Variants in ATF2 observed in about 807,000 individuals in gnomAD.
ATF2 encodes the protein cyclic AMP-dependent transcription factor ATF-2.
A neutral mutation model predicts 60.6 loss-of-function variants in ATF2; 24 were observed. The ratio of observed to expected loss-of-function variants is 0.40; its 90% confidence interval spans 0.29 to 0.56. ATF2 has a LOEUF of 0.56. ATF2 is among the 20% of genes least tolerant of loss of function. The pLI, the probability that ATF2 is intolerant of heterozygous loss-of-function variation, is 0.54. For synonymous variants in ATF2, 206 were observed against 215.4 expected, an observed-to-expected ratio of 0.96 and a Z score of 0.38; for missense variants, 433 against 607.7, an observed-to-expected ratio of 0.71 and a Z score of 3.02.
At chr2:175,133,481 GA>G (rs2105757557) in intron 3 of ATF2, among the ~76,000 whole-genome samples, 1 of 152,302 alleles carries the variant, frequency 6.6e-6, no homozygotes, top group Admixed American at 6.5e-5. Context: ...ATATTCCCTT[GA>G]CAACAGTAGT....
chr2:175,163,965 T>C (rs1401053544), intron 1 of ATF2, among the ~76,000 whole-genome samples: 1 of 123,178 alleles, frequency 8.1e-6, no homozygotes, highest in Non-Finnish European at 1.7e-5. Context: ...AGTTTCAAGG[T>C]TGCCAACAAG....
intron 1 of ATF2, among the ~76,000 whole-genome samples, chr2:175,156,393 A>C (rs1247770749): frequency 1.3e-5 from 2 of 150,066 alleles, no homozygotes; most frequent in South Asian, 2.1e-4. Flanking sequence ...AAAAAAAAAA[A>C]AAAAAAAAAA....
intron 10 of ATF2, among the ~76,000 whole-genome samples, chr2:175,100,589 A>G (rs1031555941): frequency 1.3e-5 from 2 of 152,238 alleles, no homozygotes; most frequent in African/African-American, 4.8e-5. Flanking sequence ...TAGCCGTAAT[A>G]AAGAAATCAA....
intron 2 of ATF2, among the ~76,000 whole-genome samples, chr2:175,142,790 G>A (rs1296842391): frequency 6.6e-6 from 1 of 151,340 alleles, no homozygotes; most frequent in Admixed American, 6.6e-5. Context: ...TAAAGCTGCA[G>A]AGAGAAACAG....
chr2:175,138,859 T>C (rs981343057), intron 2 of ATF2, among the ~76,000 whole-genome samples: 1 of 152,220 alleles, frequency 6.6e-6, no homozygotes, highest in African/African-American at 2.4e-5. Flanking sequence ...CACCCCATTC[T>C]ACTGCCTACT....
At chr2:175,127,851 T>C (rs911200724) in intron 4 of ATF2, among the ~76,000 whole-genome samples, 2 of 152,200 alleles carry the variant, frequency 1.3e-5, no homozygotes, top group Non-Finnish European at 2.9e-5. Context: ...TTTACCTCGC[T>C]CTACATCATT....
Position 175,115,944 on chromosome 2 carries a change from G to A in ATF2, c.448-1076C>T, listed in dbSNP as rs1162499301. Among the ~76,000 whole-genome samples, 3 of 152,042 alleles carry A rather than the reference G, an allele frequency of 2.0e-5. No individual in the cohort carries two copies. In the East Asian group the frequency reaches 5.8e-4, roughly 29 times the overall value. On this transcript the variant is annotated intron_variant, in intron 7 of 13. Transcript: ENST00000264110. ...TGATGATAAAAGGATGAGGAGGAGA[G>A]CATTTCATTGTAGGGAGAAGGAAGC...
intron 13 of ATF2, among the ~76,000 whole-genome samples, chr2:175,078,448 AT>A (rs1336029292): frequency 6.6e-6 from 1 of 152,226 alleles, no homozygotes; most frequent in Non-Finnish European, 1.5e-5. Flanking sequence ...GAACCCAAAT[AT>A]TTAAAATGTA....
intron 1 of ATF2, among the ~76,000 whole-genome samples, chr2:175,162,278 A>G (rs1412999468): frequency 6.6e-6 from 1 of 152,236 alleles, no homozygotes; most frequent in African/African-American, 2.4e-5. Flanking sequence ...ATGGCCAACT[A>G]AATAATTTTA....
At chr2:175,132,461 T>C (rs1031083142) in intron 3 of ATF2, among the ~76,000 whole-genome samples, 6 of 152,216 alleles carry the variant, frequency 3.9e-5, no homozygotes, top group Admixed American at 1.3e-4. Flanking sequence ...TCTTATTGTT[T>C]TAATGTGGTA....
intron 2 of ATF2, among the ~76,000 whole-genome samples, chr2:175,150,699 G>A (rs993821581): frequency 2.0e-5 from 3 of 151,988 alleles, no homozygotes; most frequent in African/African-American, 7.3e-5. Context: ...TTGAAAGACA[G>A]AAAATACCTC....
intron 10 of ATF2, among the ~76,000 whole-genome samples, chr2:175,098,908 C>A (rs575642297): frequency 6.2e-4 from 95 of 152,234 alleles, no homozygotes; most frequent in Middle Eastern, 3.4e-3. Flanking sequence ...ATGAAAAGAT[C>A]ACCGGAATTT....
At chr2:175,099,836 C>T (rs1695190301) in intron 10 of ATF2, among the ~76,000 whole-genome samples, 1 of 152,230 alleles carries the variant, frequency 6.6e-6, no homozygotes, top group South Asian at 2.1e-4. Flanking sequence ...TTCCACAGCA[C>T]CATGCTGCAT....
intron 13 of ATF2, among the ~76,000 whole-genome samples, chr2:175,077,071 G>A (rs1267573514): frequency 6.6e-6 from 1 of 151,466 alleles, no homozygotes; most frequent in Non-Finnish European, 1.5e-5. Context: ...CCTTGCAATA[G>A]TTTGCTGAGA....
At chr2:175,131,481 G>A (rs1697723101) in intron 3 of ATF2, among the ~76,000 whole-genome samples, 1 of 152,120 alleles carries the variant, frequency 6.6e-6, no homozygotes, top group Non-Finnish European at 1.5e-5. Context: ...GTACTAGGCA[G>A]AGACAAAAAG....
intron 1 of ATF2, among the ~76,000 whole-genome samples, chr2:175,154,580 C>G (rs564438910): frequency 2.6e-5 from 4 of 151,958 alleles, no homozygotes; most frequent in Admixed American, 2.0e-4. Context: ...ACATACTGTA[C>G]GTAATTGTGC....
At position 175,072,722 on chromosome 2, in the gene ATF2, A is replaced by T. The variant is rs1693019195; in HGVS notation, c.*1887T>A. ...TTTGAGATAACTCCTTAGAATAATGATATCAAAATCATGATTTGAAAAACT... is the reference window on the plus strand; with the variant it reads ...TTTGAGATAACTCCTTAGAATAATGTTATCAAAATCATGATTTGAAAAACT... On this transcript the variant is annotated 3_prime_UTR_variant, in exon 14 of 14. Coordinates refer to ENST00000264110, the MANE Select transcript of ATF2 (RefSeq NM_001880.4). The T allele has an allele frequency of 6.6e-6, 1 of 152,188 alleles. No individual in the cohort carries two copies. The highest frequency in any genetic ancestry group is 2.4e-5 in the African/African-American group (1 of 41,462). 9.4% of individuals were successfully genotyped at this position (152,188 alleles called of 1,614,324 possible).
At chr2:175,079,000 C>A (rs212351) in intron 13 of ATF2, among the ~76,000 whole-genome samples, 38,572 of 152,042 alleles carry the variant, frequency 0.25, 5,718 homozygotes, top group African/African-American at 0.42. Flanking sequence ...AAACAACAAA[C>A]ATATCCTATT....
At chr2:175,121,189 T>C (rs1696933099) in intron 5 of ATF2, among the ~76,000 whole-genome samples, 1 of 151,838 alleles carries the variant, frequency 6.6e-6, no homozygotes, top group Non-Finnish European at 1.5e-5. Context: ...GTAGATGGTA[T>C]GAATGTTCCC....
Sources: gnomAD v4.1 joint callset for allele counts (sites outside exome capture counted in the v4.1 genomes callset) on GRCh38, gnomAD v4.1.1 for gene constraint, MANE v1.5 for transcripts, NCBI Gene and HGNC (gene_info 2026-07-23, HGNC 2026-07-21) for gene names.